The following ATP6V1G3 variants were observed in gnomAD, a reference collection of about 807,000 sequenced individuals.
The protein encoded by ATP6V1G3 is V-type proton ATPase subunit G 3.
A neutral mutation model predicts 9.3 loss-of-function variants in ATP6V1G3; 9 were observed. The observed-to-expected ratio is 0.97, with a 90% CI of 0.59 to 1.69. The LOEUF (loss-of-function observed/expected upper bound fraction) is 1.69. Among genes scored for constraint, ATP6V1G3 ranks in the 40% most tolerant of loss-of-function variants. ATP6V1G3 has a pLI of 0.00. For missense variants in ATP6V1G3, 133 were observed against 139.0 expected (o/e 0.96, Z 0.22); for synonymous variants, 43 against 43.8 (o/e 0.98, Z 0.07).
intron 2 of ATP6V1G3, among the ~76,000 whole-genome samples, chr1:198,525,580 G>A (rs1659620176): frequency 6.6e-6 from 1 of 152,058 alleles, no homozygotes; most frequent in Non-Finnish European, 1.5e-5. Context: ...TTTTCTAGAA[G>A]CCACATCAAA....
chr1:198,529,474 A>G (rs1417074939), intron 1 of ATP6V1G3, among the ~76,000 whole-genome samples: 2 of 151,860 alleles, frequency 1.3e-5, no homozygotes, highest in Admixed American at 1.3e-4. Context: ...TTGCACTTAC[A>G]TGTTTAAATA....
At chr1:198,530,810 AC>A (rs947832643) in intron 1 of ATP6V1G3, among the ~76,000 whole-genome samples, 2 of 152,120 alleles carry the variant, frequency 1.3e-5, no homozygotes, top group African/African-American at 4.8e-5. Flanking sequence ...TCTCCAACCC[AC>A]TTTCTTCTAT....
At chr1:198,525,127 T>C (rs778487857) in intron 2 of ATP6V1G3, among the ~76,000 whole-genome samples, 8 of 152,220 alleles carry the variant, frequency 5.3e-5, no homozygotes, top group Admixed American at 2.6e-4. Context: ...CAGAAACATA[T>C]GGATCGAATT....
intron 1 of ATP6V1G3, among the ~76,000 whole-genome samples, chr1:198,535,113 T>C (rs1205374955): frequency 6.6e-6 from 1 of 152,166 alleles, no homozygotes; most frequent in Non-Finnish European, 1.5e-5. Flanking sequence ...AACCAAATGC[T>C]ATTAATAGAT....
At chr1:198,540,516 G>A (rs1159802092) in intron 1 of ATP6V1G3, 53 bp downstream of exon 1, 1 of 1,560,880 alleles carries the variant, frequency 6.4e-7, no homozygotes, top group African/African-American at 1.4e-5. Flanking sequence ...GCTTATCCCT[G>A]CATTCCACTG....
chr1:198,526,925 T>C (rs1473737330), intron 2 of ATP6V1G3, among the ~76,000 whole-genome samples: 1 of 152,192 alleles, frequency 6.6e-6, no homozygotes, highest in East Asian at 1.9e-4. Context: ...CAATATAATA[T>C]TTTCTTTAGA....
chr1:198,528,657 C>T (rs1442135701), intron 2 of ATP6V1G3, among the ~76,000 whole-genome samples: 2 of 151,976 alleles, frequency 1.3e-5, no homozygotes, highest in African/African-American at 2.4e-5. Flanking sequence ...GCAACAATAT[C>T]TACTTTGGTC....
intron 1 of ATP6V1G3, among the ~76,000 whole-genome samples, chr1:198,531,071 G>T (rs970124502): frequency 6.6e-6 from 1 of 151,966 alleles, no homozygotes; most frequent in Non-Finnish European, 1.5e-5. Context: ...CCACTAAGAG[G>T]CTGTATATTA....
chr1:198,529,961 T>C (rs1329748318), intron 1 of ATP6V1G3, among the ~76,000 whole-genome samples: 1 of 152,138 alleles, frequency 6.6e-6, no homozygotes, highest in Non-Finnish European at 1.5e-5. Flanking sequence ...GTGGTAATCA[T>C]TAGCTGAGCA....
At chr1:198,540,453 G>T in intron 1 of ATP6V1G3, 116 bp downstream of exon 1, 1 of 975,032 alleles carries the variant, frequency 1.0e-6, no homozygotes, top group Non-Finnish European at 1.6e-6. Flanking sequence ...GGTCTCACAG[G>T]GAGTACAGTA....
chr1:198,531,093 C>A (rs535995542), intron 1 of ATP6V1G3, among the ~76,000 whole-genome samples: 3 of 152,090 alleles, frequency 2.0e-5, no homozygotes, highest in Non-Finnish European at 4.4e-5. Context: ...CTCCATCACA[C>A]GGTGACAGGC....
chr1:198,531,741 A>G (rs1659906338), intron 1 of ATP6V1G3, among the ~76,000 whole-genome samples: 1 of 152,154 alleles, frequency 6.6e-6, no homozygotes, highest in Admixed American at 6.6e-5. Flanking sequence ...AATCAGAATC[A>G]TGCACTAGGC....
chr1:198,539,256 C>A (rs1241984254), intron 1 of ATP6V1G3, among the ~76,000 whole-genome samples: 1 of 152,192 alleles, frequency 6.6e-6, no homozygotes, highest in Non-Finnish European at 1.5e-5. Context: ...TTCTGACTGA[C>A]TTTCTTATGT....
chr1:198,540,018 AGTT>A, intron 1 of ATP6V1G3, among the ~76,000 whole-genome samples: 1 of 152,260 alleles, frequency 6.6e-6, no homozygotes. Flanking sequence ...CAGGAGTTGG[AGTT>A]CAGCCAGGGC....
intron 2 of ATP6V1G3, among the ~76,000 whole-genome samples, chr1:198,527,733 C>G (rs1156871281): frequency 3.8e-4 from 58 of 151,998 alleles, no homozygotes; most frequent in Admixed American, 3.8e-3. Context: ...GAGAACAAAA[C>G]AAAGAAATGA....
chr1:198,529,059 C>T, intron 2 of ATP6V1G3, 22 bp downstream of exon 2: 1 of 1,146,584 alleles, frequency 8.7e-7, no homozygotes, highest in Non-Finnish European at 1.3e-6. Context: ...GCATAAGAAA[C>T]AGTGCTGACT....
At chr1:198,523,675 C>A in intron 2 of ATP6V1G3, 111 bp from the exon 3 acceptor site, 1 of 989,436 alleles carries the variant, frequency 1.0e-6, no homozygotes, top group South Asian at 2.0e-5. Flanking sequence ...TTATGTACTC[C>A]TTTTCTAGAT....
intron 1 of ATP6V1G3, among the ~76,000 whole-genome samples, chr1:198,532,533 G>A (rs1416076574): frequency 2.0e-5 from 3 of 152,190 alleles, no homozygotes; most frequent in African/African-American, 4.8e-5. Context: ...TGTAGTTGGG[G>A]AGATAAAAAT....
intron 1 of ATP6V1G3, among the ~76,000 whole-genome samples, chr1:198,532,562 A>G (rs1057279854): frequency 6.6e-6 from 1 of 152,200 alleles, no homozygotes; most frequent in Admixed American, 6.5e-5. Context: ...GACAATAAGT[A>G]TATAATATGA....
Sources: allele counts gnomAD v4.1 joint callset (sites outside exome capture counted in the v4.1 genomes callset), GRCh38; gene constraint gnomAD v4.1.1; transcripts MANE v1.5; gene names NCBI Gene and HGNC (gene_info 2026-07-23, HGNC 2026-07-21).